Variants in CAST observed in about 807,000 individuals in gnomAD.
CAST encodes the protein calpastatin.
CAST carries 76 observed loss-of-function variants against 119.6 expected under a neutral mutation model. The ratio of observed to expected loss-of-function variants is 0.64; its 90% CI spans 0.53 to 0.77. The LOEUF is 0.77. Ranked by LOEUF, CAST falls within the 30% of genes least tolerant of loss-of-function variation. The probability of loss-of-function intolerance (pLI) is 0.00; values close to 1 mark genes in which losing one functional copy is unlikely to be tolerated. For missense variants in CAST, 953 were observed against 946.5 expected, an observed-to-expected ratio of 1.01 and a Z score of -0.09; for synonymous variants, 319 against 331.6, an observed-to-expected ratio of 0.96 and a Z score of 0.41.
At chr5:96,508,763 TG>T in the CAST span, among the ~76,000 whole-genome samples, 11 of 152,314 alleles carry the variant, frequency 7.2e-5, no homozygotes, top group African/African-American at 2.6e-4. Context: ...ATGCCACCTT[TG>T]TTTCTTCCTG....
At chr5:96,005,658 G>A in the CAST span, among the ~76,000 whole-genome samples, 1 of 152,104 alleles carries the variant, frequency 6.6e-6, no homozygotes, top group Non-Finnish European at 1.5e-5. Context: ...AAAAAATCAA[G>A]TGAAAATAAA....
intron 5 of CAST, among the ~76,000 whole-genome samples, chr5:96,727,123 G>A (rs552623791): frequency 3.9e-5 from 6 of 152,288 alleles, no homozygotes; most frequent in Non-Finnish European, 7.3e-5. Context: ...TAAAAACACC[G>A]TGTTAGTGGC....
chr5:96,251,200 A>G, the CAST span, among the ~76,000 whole-genome samples: 5 of 152,192 alleles, frequency 3.3e-5, no homozygotes, highest in African/African-American at 7.2e-5. Flanking sequence ...CTGCAAATGT[A>G]GTAGGTCCAT....
chr5:96,594,040 A>G (rs1747010955), intron 1 of CAST, among the ~76,000 whole-genome samples: 2 of 152,272 alleles, frequency 1.3e-5, no homozygotes, highest in Non-Finnish European at 2.9e-5. Context: ...AGGAGAGTTC[A>G]GCAAGACTCA....
the CAST span, among the ~76,000 whole-genome samples, chr5:96,111,487 G>GT: frequency 1.3e-5 from 2 of 152,182 alleles, no homozygotes; most frequent in South Asian, 4.1e-4. Context: ...GGGGCTGAAG[G>GT]TTTCAATCCT....
chr5:96,729,591 C>T, intron 7 of CAST, 21 bp from the exon 8 acceptor site: 1 of 920,968 alleles, frequency 1.1e-6, no homozygotes, highest in Non-Finnish European at 1.8e-6. Flanking sequence ...TGTGTGTGGG[C>T]ACCTGTGTGT....
At chr5:96,333,836 C>T in the CAST span, among the ~76,000 whole-genome samples, 1 of 152,158 alleles carries the variant, frequency 6.6e-6, no homozygotes, top group Non-Finnish European at 1.5e-5. Flanking sequence ...TACATGCAAC[C>T]CTTAGCCTCT....
At chr5:96,028,765 A>G in the CAST span, among the ~76,000 whole-genome samples, 2 of 152,114 alleles carry the variant, frequency 1.3e-5, 1 homozygote, top group South Asian at 4.1e-4. Context: ...AATAATAAAA[A>G]AGCTGACGTT....
At chr5:96,509,558 T>G in the CAST span, among the ~76,000 whole-genome samples, 2 of 152,208 alleles carry the variant, frequency 1.3e-5, no homozygotes, top group African/African-American at 4.8e-5. Context: ...CTGCTATAAA[T>G]AATCCATCTT....
the CAST span, among the ~76,000 whole-genome samples, chr5:95,997,895 G>A: frequency 1.3e-4 from 19 of 150,216 alleles, no homozygotes; most frequent in Non-Finnish European, 5.9e-5. Context: ...AAAGGCCCAC[G>A]TCTCACTGCT....
At chr5:96,565,301 G>T (rs1746446507) in intron 1 of CAST, among the ~76,000 whole-genome samples, 1 of 151,944 alleles carries the variant, frequency 6.6e-6, no homozygotes, top group African/African-American at 2.4e-5. Context: ...AAATATTTGA[G>T]GTGATAAATA....
the CAST span, among the ~76,000 whole-genome samples, chr5:96,082,474 C>T: frequency 1.3e-5 from 2 of 152,190 alleles, no homozygotes; most frequent in Non-Finnish European, 2.9e-5. Context: ...TCTAGGTCCT[C>T]TGACACCAGA....
chr5:96,743,460 C>T (rs992795640), intron 16 of CAST: 75 of 848,786 alleles, frequency 8.8e-5, no homozygotes, highest in Non-Finnish European at 1.3e-4. Flanking sequence ...AGCCTGGGAT[C>T]CCCAGGAGCC....
At chr5:96,457,040 A>C in the CAST span, among the ~76,000 whole-genome samples, 1 of 152,122 alleles carries the variant, frequency 6.6e-6, no homozygotes, top group Non-Finnish European at 1.5e-5. Flanking sequence ...TTCCTTTATA[A>C]ATTACCCAGT....
At chr5:96,426,920 C>A in the CAST span, among the ~76,000 whole-genome samples, 1 of 152,106 alleles carries the variant, frequency 6.6e-6, no homozygotes, top group African/African-American at 2.4e-5. Flanking sequence ...ATGGGAAGAA[C>A]CTGAAAGCTA....
At chr5:96,388,782 A>G in the CAST span, among the ~76,000 whole-genome samples, 1 of 152,156 alleles carries the variant, frequency 6.6e-6, no homozygotes. Flanking sequence ...TACATGGTTA[A>G]TCCAATAGTT....
the CAST span, among the ~76,000 whole-genome samples, chr5:96,341,835 A>T: frequency 6.6e-6 from 1 of 152,226 alleles, no homozygotes; most frequent in South Asian, 2.1e-4. Flanking sequence ...TGTTGAATAC[A>T]CTAAATGGAG....
chr5:96,549,601 G>A (rs769645875), intron 1 of CAST, among the ~76,000 whole-genome samples: 2 of 152,202 alleles, frequency 1.3e-5, no homozygotes, highest in East Asian at 1.9e-4. Flanking sequence ...CACCTTACCC[G>A]GGAAGCACAG....
intron 1 of CAST, among the ~76,000 whole-genome samples, chr5:96,591,594 T>C (rs903008768): frequency 6.6e-6 from 1 of 152,170 alleles, no homozygotes; most frequent in African/African-American, 2.4e-5. Context: ...CCTCTGGTTG[T>C]TTACAGAACA....
Sources: allele counts gnomAD v4.1 joint callset (sites outside exome capture counted in the v4.1 genomes callset), GRCh38; gene constraint gnomAD v4.1.1; transcripts MANE v1.5; gene names NCBI Gene and HGNC (gene_info 2026-07-23, HGNC 2026-07-21).